Variants in LRRC69 observed in about 807,000 individuals in gnomAD.
LRRC69 encodes leucine rich repeat containing 69, also known as leucine-rich repeat-containing protein 69.
A neutral mutation model predicts 37.8 loss-of-function variants in LRRC69; 42 were observed. That is an observed-to-expected ratio of 1.11 (90% CI 0.87 to 1.44). LRRC69 has a LOEUF of 1.44. LRRC69 is among the 40% of genes most tolerant of loss of function. LRRC69 has a pLI of 0.00. For missense variants in LRRC69, 357 were observed against 401.9 expected, an observed-to-expected ratio of 0.89 and a Z score of 0.96; for synonymous variants, 141 against 143.1, an observed-to-expected ratio of 0.99 and a Z score of 0.11.
At position 91,197,436 on chromosome 8, in the gene LRRC69, C is replaced by A. The variant is rs1220675889; in HGVS notation, c.754-3177C>A. On this transcript the variant is annotated intron_variant, in intron 6 of 7. Coordinates refer to ENST00000448384, the Ensembl canonical transcript of LRRC69. ...CCTGGCCAATGGCGGGCGCCCCTCC[C>A]CCAGCCTCGCTGCCGCCTCGCAGTT... 2.6e-5 allele frequency among the ~76,000 whole-genome samples: 4 copies of A among 152,242 alleles called. No homozygotes were observed. In the South Asian group the frequency reaches 8.3e-4, roughly 32 times the overall value.
chr8:91,187,218 G>T (rs144586011), intron 5 of LRRC69, among the ~76,000 whole-genome samples: 1 of 152,272 alleles, frequency 6.6e-6, no homozygotes, highest in East Asian at 1.9e-4. Context: ...CTGGTTCCTT[G>T]TATGTTCAAG....
chr8:91,105,687 G>GATGA (rs1476421259), intron 1 of LRRC69, among the ~76,000 whole-genome samples: 2 of 149,040 alleles, frequency 1.3e-5, no homozygotes, highest in African/African-American at 5.0e-5. Context: ...AGGAAAGGCA[G>GATGA]ATGAAGGTTT....
intron 1 of LRRC69, among the ~76,000 whole-genome samples, chr8:91,115,880 C>T (rs1813502406): frequency 6.6e-6 from 1 of 151,792 alleles, no homozygotes; most frequent in African/African-American, 2.4e-5. Flanking sequence ...CTGTGGTTGA[C>T]CCTGCACATG....
chr8:91,135,343 T>C (rs1813890243), intron 4 of LRRC69, among the ~76,000 whole-genome samples: 1 of 151,992 alleles, frequency 6.6e-6, no homozygotes, highest in South Asian at 2.1e-4. Flanking sequence ...ATTTTACAAA[T>C]AAAGAAATTG....
At chr8:91,125,405 C>T (rs1271773278) in intron 2 of LRRC69, among the ~76,000 whole-genome samples, 1 of 151,726 alleles carries the variant, frequency 6.6e-6, no homozygotes, top group Non-Finnish European at 1.5e-5. Context: ...TGGCAAATAG[C>T]ACAAGTAGAC....
intron 2 of LRRC69, 106 bp from the exon 3 acceptor site, chr8:91,126,982 G>C (rs1813728085): frequency 1.2e-6 from 1 of 812,704 alleles, no homozygotes. Flanking sequence ...AAAGAGCCTT[G>C]GCCAAGGCAA....
intron 7 of LRRC69, among the ~76,000 whole-genome samples, chr8:91,206,346 A>T (rs1428002077): frequency 1.3e-5 from 2 of 152,196 alleles, no homozygotes; most frequent in Non-Finnish European, 2.9e-5. Context: ...TGAAAGTTAA[A>T]ACCAGCTGGA....
At chr8:91,104,722 G>A (rs962175181) in intron 1 of LRRC69, among the ~76,000 whole-genome samples, 1 of 151,932 alleles carries the variant, frequency 6.6e-6, no homozygotes, top group African/African-American at 2.4e-5. Flanking sequence ...ACTGTTTCCT[G>A]TATCCTGTAT....
chr8:91,160,096 C>A (rs981965920), intron 5 of LRRC69, among the ~76,000 whole-genome samples: 2 of 151,022 alleles, frequency 1.3e-5, no homozygotes, highest in South Asian at 4.1e-4. Context: ...TTGTGGAAAT[C>A]TTTCACCTTT....
chr8:91,197,689 AC>A (rs1315995011), intron 6 of LRRC69, among the ~76,000 whole-genome samples: 1 of 151,768 alleles, frequency 6.6e-6, no homozygotes, highest in Admixed American at 6.6e-5. Flanking sequence ...GCAATGCCTC[AC>A]CCTGCTTCGG....
chr8:91,157,375 C>A, intron 5 of LRRC69: 3 of 1,608,006 alleles, frequency 1.9e-6, no homozygotes, highest in Non-Finnish European at 2.6e-6. Flanking sequence ...TAATGCAGAT[C>A]CTGTATGTCT....
At chr8:91,219,209 A>G (rs1810115222), downstream of LRRC69, 1 of 356,522 alleles carries the variant, frequency 2.8e-6, no homozygotes, top group East Asian at 4.1e-5. Context: ...TTTTTGGCTT[A>G]AAAAAGTACA....
At chr8:91,159,719 A>T (rs1808902773) in intron 5 of LRRC69, among the ~76,000 whole-genome samples, 1 of 151,214 alleles carries the variant, frequency 6.6e-6, no homozygotes, top group Non-Finnish European at 1.5e-5. Flanking sequence ...AAGTAAAAAG[A>T]AAAGGAACAA....
chr8:91,114,795 G>A (rs1374714178), intron 1 of LRRC69, among the ~76,000 whole-genome samples: 5 of 151,926 alleles, frequency 3.3e-5, no homozygotes, highest in Non-Finnish European at 7.4e-5. Context: ...ATTGCCTAAC[G>A]ATGCATTTCT....
intron 5 of LRRC69, among the ~76,000 whole-genome samples, chr8:91,184,754 T>C (rs1264671457): frequency 2.0e-5 from 3 of 152,136 alleles, no homozygotes; most frequent in African/African-American, 4.8e-5. Context: ...TGAGGCCAAA[T>C]TGTTCCAAGA....
At chr8:91,186,932 G>A (rs1329759596) in intron 5 of LRRC69, among the ~76,000 whole-genome samples, 1 of 152,162 alleles carries the variant, frequency 6.6e-6, no homozygotes, top group Non-Finnish European at 1.5e-5. Flanking sequence ...GCATAATTTA[G>A]GGGAAATATG....
intron 1 of LRRC69, among the ~76,000 whole-genome samples, chr8:91,117,177 T>C (rs1373319229): frequency 6.6e-6 from 1 of 152,020 alleles, no homozygotes; most frequent in African/African-American, 2.4e-5. Context: ...AGAGAAATTA[T>C]AGGTTCATCT....
chr8:91,185,211 C>G (rs1323917990), intron 5 of LRRC69, among the ~76,000 whole-genome samples: 1 of 152,110 alleles, frequency 6.6e-6, no homozygotes, highest in Non-Finnish European at 1.5e-5. Flanking sequence ...AATGGAAAAG[C>G]CTGAAGAGGA....
intron 6 of LRRC69, among the ~76,000 whole-genome samples, chr8:91,191,160 A>T (rs1193285170): frequency 6.6e-6 from 1 of 152,018 alleles, no homozygotes; most frequent in Admixed American, 6.6e-5. Context: ...TGCTGGGCCA[A>T]AGAACTGACA....
Sources: allele counts gnomAD v4.1 joint callset (sites outside exome capture counted in the v4.1 genomes callset), GRCh38; gene constraint gnomAD v4.1.1; transcripts MANE v1.5; gene names NCBI Gene and HGNC (gene_info 2026-07-23, HGNC 2026-07-21).